Variants in PCDH15 observed in about 807,000 individuals in gnomAD.
The protein encoded by PCDH15 is protocadherin related 15.
PCDH15 carries 129 observed loss-of-function variants against 178.5 expected under a neutral mutation model. The observed-to-expected ratio is 0.72, with a 90% CI of 0.63 to 0.84. PCDH15 has a LOEUF of 0.84. Ranked by LOEUF, PCDH15 falls within the 40% of genes least tolerant of loss-of-function variation. The pLI is 0.00. For missense variants in PCDH15, 2,230 were observed against 2,099.9 expected (o/e 1.06, Z -1.21); for synonymous variants, 800 against 732.0 (o/e 1.09, Z -1.50).
At chr10:54,529,241 G>T (rs962821380) in intron 2 of PCDH15, among the ~76,000 whole-genome samples, 4 of 151,980 alleles carry the variant, frequency 2.6e-5, no homozygotes, top group Non-Finnish European at 4.4e-5. Flanking sequence ...TATTGAAGGA[G>T]TTCCAAGTCA....
At chr10:55,558,878 A>G (rs1431357901) in intron 2 of PCDH15, among the ~76,000 whole-genome samples, 4 of 152,050 alleles carry the variant, frequency 2.6e-5, no homozygotes, top group Non-Finnish European at 5.9e-5. Flanking sequence ...TAGCATTTTA[A>G]TTGAAGTGTA....
In PCDH15 at chr10:55,409,302, A is replaced by T. The variant is rs538500144; in HGVS notation, c.-156+218323T>A. 5.2e-4 allele frequency among the ~76,000 whole-genome samples: 79 copies of T among 152,184 alleles called. 1 individual carries two copies. The highest frequency in any genetic ancestry group is 1.2e-3 in the South Asian group (6 of 4,824). On this transcript the variant is annotated intron_variant, in intron 2 of 5. Transcript: ENST00000613346. ...GCTACTGTCTCCACCTCATCTGATG[A>T]CTACTCCATTCTTTTACATGCTCAG...
intron 11 of PCDH15, among the ~76,000 whole-genome samples, chr10:54,193,544 A>T (rs767220619): frequency 5.9e-5 from 9 of 152,080 alleles, no homozygotes; most frequent in Non-Finnish European, 1.2e-4. Context: ...TACAAAATAC[A>T]TTTGCTCAGC....
chr10:55,374,539 C>G (rs1045291556), intron 2 of PCDH15, among the ~76,000 whole-genome samples: 8 of 152,012 alleles, frequency 5.3e-5, no homozygotes, highest in Admixed American at 3.9e-4. Flanking sequence ...AGTAGAATAG[C>G]TTCCCATGAC....
rs74136332 is a variant in PCDH15 at position 55,039,165 on chromosome 10, A to G, written c.-80+127411T>C. Among the ~76,000 whole-genome samples, 745 of 152,244 alleles carry G rather than the reference A, an allele frequency of 4.9e-3. 3 individuals carry two copies. The highest frequency in any genetic ancestry group is 0.017 in the African/African-American group (719 of 41,562). On this transcript the variant is annotated intron_variant, in intron 2 of 5. Coordinates refer to the PCDH15 transcript ENST00000458638. ...TACAGAAAACTAAATTAGAAATTAG[A>G]TTGGAAAAAACATGTAAATCTCTCC...
chr10:55,352,986 C>G (rs1489433967), intron 2 of PCDH15, among the ~76,000 whole-genome samples: 2 of 152,104 alleles, frequency 1.3e-5, no homozygotes. Context: ...CATTGGTCAA[C>G]AGAAAGGGCC....
chr10:54,762,728 T>C (rs1948045195), intron 1 of PCDH15, among the ~76,000 whole-genome samples: 3 of 152,132 alleles, frequency 2.0e-5, no homozygotes, highest in Admixed American at 1.3e-4. Context: ...TTATTTTAAA[T>C]TGAACATTTA....
chr10:55,180,728 C>G (rs992706648), intron 1 of PCDH15, among the ~76,000 whole-genome samples: 1 of 152,100 alleles, frequency 6.6e-6, no homozygotes, highest in Non-Finnish European at 1.5e-5. Flanking sequence ...GCAAAAATAT[C>G]ATGAAATTAA....
intron 2 of PCDH15, among the ~76,000 whole-genome samples, chr10:55,582,628 A>ATATATATATTTT (rs780312007): frequency 2.5e-4 from 17 of 69,022 alleles, no homozygotes; most frequent in African/African-American, 9.3e-4. Flanking sequence ...ATATATATAT[A>ATATATATATTTT]TTTTTTTTTT....
intron 2 of PCDH15, among the ~76,000 whole-genome samples, chr10:55,619,590 G>C (rs926993495): frequency 6.6e-6 from 1 of 151,984 alleles, no homozygotes; most frequent in African/African-American, 2.4e-5. Flanking sequence ...AGTTTGTAAA[G>C]TTACGAGAAT....
At chr10:54,551,727 C>G (rs1422115022) in intron 2 of PCDH15, among the ~76,000 whole-genome samples, 1 of 151,846 alleles carries the variant, frequency 6.6e-6, no homozygotes, top group Non-Finnish European at 1.5e-5. Context: ...TTTAAAAGAA[C>G]TTTCATCTCT....
intron 1 of PCDH15, among the ~76,000 whole-genome samples, chr10:55,170,315 T>C (rs773143045): frequency 4.6e-5 from 7 of 151,562 alleles, no homozygotes; most frequent in Non-Finnish European, 7.4e-5. Context: ...ATATTGGCTA[T>C]TTAAAAAAAA....
intron 1 of PCDH15, among the ~76,000 whole-genome samples, chr10:54,676,768 C>G (rs918792480): frequency 2.6e-5 from 4 of 152,120 alleles, no homozygotes; most frequent in African/African-American, 9.7e-5. Flanking sequence ...AGATATTTAT[C>G]TTATAAAAAC....
rs1407401156 is a variant in PCDH15, at chr10:54,007,822, G to T, written c.2752-12057C>A. On this transcript the variant is annotated intron_variant, in intron 20 of 37. Coordinates refer to ENST00000644397, the MANE Select transcript of PCDH15 (RefSeq NM_001384140.1). ...ATTTTGAAAGAAAGAACTTCAAGAT[G>T]TTTTCCTGTGGTGACTTTTTGGGTC... Among the ~76,000 whole-genome samples the T allele has an allele frequency of 2.0e-5, 3 of 152,230 alleles. 1 individual carries two copies. The highest frequency in any genetic ancestry group is 2.0e-4 in the Admixed American group (3 of 15,276).
chr10:54,206,937 C>T lies in PCDH15; in HGVS notation c.1098+6999G>A, dbSNP rs140518345. ...GTTCAGAAAGTGCCTTTCCTTTGAA[C>T]ATTTTACAATGTTTGGTCTTGCTCT... On this transcript the variant is annotated intron_variant, in intron 10 of 37. Transcript: ENST00000644397. Among the ~76,000 whole-genome samples the T allele has an allele frequency of 1.7e-4, 26 of 152,136 alleles. No homozygotes were observed. In the East Asian group the frequency reaches 4.5e-3, roughly 26 times the overall value.
intron 7 of PCDH15, among the ~76,000 whole-genome samples, chr10:54,319,452 C>T (rs997314102): frequency 1.3e-5 from 2 of 152,104 alleles, no homozygotes; most frequent in Non-Finnish European, 2.9e-5. Context: ...ACATATTATA[C>T]GATCCATTTA....
chr10:54,765,397 G>A (rs1351322211), intron 1 of PCDH15, among the ~76,000 whole-genome samples: 1 of 152,080 alleles, frequency 6.6e-6, no homozygotes, highest in Non-Finnish European at 1.5e-5. Flanking sequence ...AAAAAGTTCA[G>A]AGAGAGCAAT....
At chr10:55,365,769 T>C (rs1845341910) in intron 2 of PCDH15, among the ~76,000 whole-genome samples, 1 of 152,148 alleles carries the variant, frequency 6.6e-6, no homozygotes, top group South Asian at 2.1e-4. Context: ...CCCAGCCATG[T>C]GGAACTGTAA....
At chr10:54,201,898 A>G (rs1212266149) in intron 10 of PCDH15, among the ~76,000 whole-genome samples, 5 of 152,248 alleles carry the variant, frequency 3.3e-5, no homozygotes, top group Non-Finnish European at 7.3e-5. Flanking sequence ...ACTGATGCAC[A>G]TTCTTGCCAG....
Sources: allele counts gnomAD v4.1 joint callset (sites outside exome capture counted in the v4.1 genomes callset), GRCh38; gene constraint gnomAD v4.1.1; transcripts MANE v1.5; gene names NCBI Gene and HGNC (gene_info 2026-07-23, HGNC 2026-07-21).